KCNJ3: variants seen among roughly 807,000 people sequenced by gnomAD.
KCNJ3 encodes G protein-activated inward rectifier potassium channel 1.
A neutral mutation model predicts 39.2 loss-of-function variants in KCNJ3; 4 were observed. That is an observed-to-expected ratio of 0.10 (90% CI 0.05 to 0.23). The LOEUF (loss-of-function observed/expected upper bound fraction) is 0.23. Ranked by LOEUF, KCNJ3 falls within the 10% of genes least tolerant of loss-of-function variation. The probability of loss-of-function intolerance (pLI) is 1.00; values close to 1 mark genes in which losing one functional copy is unlikely to be tolerated. For missense variants in KCNJ3, 276 were observed against 634.9 expected (o/e 0.43, Z 6.08); for synonymous variants, 230 against 237.4 (o/e 0.97, Z 0.29).
intron 2 of KCNJ3, among the ~76,000 whole-genome samples, chr2:154,759,306 A>G (rs1685995361): frequency 6.6e-6 from 1 of 151,166 alleles, no homozygotes; most frequent in African/African-American, 2.4e-5. Context: ...GGACTCTCCA[A>G]TGCACCAGAA....
chr2:154,748,932 T>G (rs1685792649), intron 2 of KCNJ3, among the ~76,000 whole-genome samples: 1 of 152,150 alleles, frequency 6.6e-6, no homozygotes, highest in African/African-American at 2.4e-5. Context: ...ATGAAGTGGC[T>G]TGCAAGGCAC....
chr2:154,803,063 T>C (rs1686847277), intron 2 of KCNJ3, among the ~76,000 whole-genome samples: 1 of 152,094 alleles, frequency 6.6e-6, no homozygotes, highest in Non-Finnish European at 1.5e-5. Context: ...ATGAGAACAA[T>C]GTTAAATTGT....
intron 2 of KCNJ3, among the ~76,000 whole-genome samples, chr2:154,852,647 A>G (rs1244188418): frequency 6.6e-6 from 1 of 152,104 alleles, no homozygotes; most frequent in African/African-American, 2.4e-5. Context: ...AAATTTCTCA[A>G]AATAAAACCA....
At chr2:154,772,622 T>G (rs866811216) in intron 2 of KCNJ3, among the ~76,000 whole-genome samples, 1 of 152,162 alleles carries the variant, frequency 6.6e-6, no homozygotes, top group African/African-American at 2.4e-5. Flanking sequence ...TTCCCTCAAA[T>G]TGTTAAAAAA....
chr2:154,830,212 C>T (rs1387171419), intron 2 of KCNJ3, among the ~76,000 whole-genome samples: 1 of 152,168 alleles, frequency 6.6e-6, no homozygotes, highest in Admixed American at 6.5e-5. Context: ...TTCTCCAACT[C>T]AAATTAGTCT....
At chr2:154,755,967 T>C (rs1685930358) in intron 2 of KCNJ3, among the ~76,000 whole-genome samples, 1 of 152,142 alleles carries the variant, frequency 6.6e-6, no homozygotes, top group Non-Finnish European at 1.5e-5. Context: ...TGTTACATTT[T>C]AAATATGCCA....
At chr2:154,738,767 T>C (rs537386094) in intron 2 of KCNJ3, among the ~76,000 whole-genome samples, 1 of 152,184 alleles carries the variant, frequency 6.6e-6, no homozygotes, top group South Asian at 2.1e-4. Flanking sequence ...TAGACTGCTG[T>C]AAACAGCAAG....
intron 2 of KCNJ3, among the ~76,000 whole-genome samples, chr2:154,753,421 C>A (rs1049444358): frequency 6.6e-6 from 1 of 152,008 alleles, no homozygotes; most frequent in Non-Finnish European, 1.5e-5. Context: ...CCTTTATGCA[C>A]GTTCAAGATT....
At chr2:154,777,532 C>T (rs1686359418) in intron 2 of KCNJ3, among the ~76,000 whole-genome samples, 1 of 152,080 alleles carries the variant, frequency 6.6e-6, no homozygotes, top group South Asian at 2.1e-4. Context: ...CTTTTTCTCC[C>T]TCTTCATTTC....
intron 2 of KCNJ3, among the ~76,000 whole-genome samples, chr2:154,796,335 T>C (rs189782456): frequency 6.6e-6 from 1 of 152,262 alleles, no homozygotes; most frequent in East Asian, 1.9e-4. Context: ...TACCCCTTCA[T>C]ACAAAATTAA....
At chr2:154,764,633 T>C (rs1022031284) in intron 2 of KCNJ3, among the ~76,000 whole-genome samples, 1 of 152,226 alleles carries the variant, frequency 6.6e-6, no homozygotes, top group African/African-American at 2.4e-5. Flanking sequence ...TTCCCTGGGC[T>C]ACATTGGAAG....
At chr2:154,777,042 G>GCACA (rs34640641) in intron 2 of KCNJ3, among the ~76,000 whole-genome samples, 56,963 of 150,080 alleles carry the variant, frequency 0.38, 11,363 homozygotes, top group Non-Finnish European at 0.45. Flanking sequence ...ACGTACACAC[G>GCACA]CACACACACA....
chr2:154,785,456 A>C (rs939849983), intron 2 of KCNJ3, among the ~76,000 whole-genome samples: 4 of 152,154 alleles, frequency 2.6e-5, no homozygotes, highest in African/African-American at 9.7e-5. Flanking sequence ...TCATTGTAAC[A>C]GTATGAAGAG....
intron 2 of KCNJ3, among the ~76,000 whole-genome samples, chr2:154,713,576 T>C (rs2105154533): frequency 6.6e-6 from 1 of 152,316 alleles, no homozygotes; most frequent in African/African-American, 2.4e-5. Context: ...TCCCCACTTT[T>C]TTGGAAGTAC....
chr2:154,758,782 T>G (rs903671173), intron 2 of KCNJ3, among the ~76,000 whole-genome samples: 1 of 152,162 alleles, frequency 6.6e-6, no homozygotes, highest in Non-Finnish European at 1.5e-5. Flanking sequence ...AAATTGTGAC[T>G]TGAATCAAAT....
intron 2 of KCNJ3, among the ~76,000 whole-genome samples, chr2:154,785,416 C>A (rs1297312257): frequency 6.6e-6 from 1 of 152,100 alleles, no homozygotes; most frequent in Non-Finnish European, 1.5e-5. Context: ...CGTGTTTGTC[C>A]CTTCCAAAAC....
intron 2 of KCNJ3, among the ~76,000 whole-genome samples, chr2:154,740,430 A>G (rs193041664): frequency 3.3e-5 from 5 of 152,132 alleles, no homozygotes; most frequent in Admixed American, 2.6e-4. Context: ...GCCATTCTTC[A>G]TTAAGGAGGG....
At chr2:154,829,235 G>A (rs967244876) in intron 2 of KCNJ3, among the ~76,000 whole-genome samples, 5 of 152,096 alleles carry the variant, frequency 3.3e-5, no homozygotes, top group African/African-American at 7.2e-5. Context: ...CCCAGATAAT[G>A]AGCGTAGTAC....
intron 2 of KCNJ3, among the ~76,000 whole-genome samples, chr2:154,834,850 CATA>C (rs1231243963): frequency 2.7e-5 from 4 of 149,030 alleles, no homozygotes; most frequent in South Asian, 4.3e-4. Context: ...TTGTCTACAT[CATA>C]ATAACATACT....
Sources: allele counts gnomAD v4.1 joint callset (sites outside exome capture counted in the v4.1 genomes callset), GRCh38; gene constraint gnomAD v4.1.1; transcripts MANE v1.5; gene names NCBI Gene and HGNC (gene_info 2026-07-23, HGNC 2026-07-21).